The following GALNT18 variants were observed in gnomAD, a reference collection of about 807,000 sequenced individuals.
GALNT18 encodes polypeptide N-acetylgalactosaminyltransferase 18.
In GALNT18, 44 loss-of-function variants were observed where a neutral mutation model predicts 69.5. The observed-to-expected ratio is 0.63, with a 90% CI of 0.50 to 0.81. The LOEUF is 0.81. Ranked by LOEUF, GALNT18 falls within the 40% of genes least tolerant of loss-of-function variation. GALNT18 has a pLI of 0.00. For synonymous variants in GALNT18, 364 were observed against 318.2 expected, an observed-to-expected ratio of 1.14 and a Z score of -1.53; for missense variants, 715 against 810.0, an observed-to-expected ratio of 0.88 and a Z score of 1.42.
intron 9 of GALNT18, among the ~76,000 whole-genome samples, chr11:11,299,514 A>T (rs552031280): frequency 3.1e-4 from 47 of 152,150 alleles, no homozygotes; most frequent in African/African-American, 1.1e-3. Flanking sequence ...CCATTATATA[A>T]TTTTTACACC....
chr11:11,325,832 C>T (rs898012879), intron 9 of GALNT18, among the ~76,000 whole-genome samples: 4 of 152,080 alleles, frequency 2.6e-5, no homozygotes, highest in Admixed American at 1.3e-4. Flanking sequence ...TGCAATTAAC[C>T]AGCCAGTAAT....
At chr11:11,462,116 C>T (rs1001265632) in intron 1 of GALNT18, among the ~76,000 whole-genome samples, 6 of 152,112 alleles carry the variant, frequency 3.9e-5, no homozygotes, top group Non-Finnish European at 7.4e-5. Context: ...ATTCAGCAGT[C>T]TGAGGGGAGG....
rs143675704 is a variant in GALNT18, at chr11:11,326,733, C to A, written c.1512+353G>T. 3.6e-3 allele frequency among the ~76,000 whole-genome samples: 546 copies of A among 152,312 alleles called. 3 individuals carry two copies. Among genetic ancestry groups the A allele is most frequent in the Admixed American group, 0.012 (185 of 15,298 alleles). Reference sequence around the variant, plus strand: ...TCAGGGAGCTTGGGAGAACCTCCCACTCTTGCTAGGGAGCAGCTTGGTTGT... The same window carrying A: ...TCAGGGAGCTTGGGAGAACCTCCCAATCTTGCTAGGGAGCAGCTTGGTTGT... On this transcript the variant is annotated intron_variant, in intron 9 of 10. Coordinates refer to ENST00000227756, the MANE Select transcript of GALNT18 (RefSeq NM_198516.3).
intron 1 of GALNT18, among the ~76,000 whole-genome samples, chr11:11,575,615 C>G (rs1045246983): frequency 4.6e-5 from 7 of 152,244 alleles, no homozygotes; most frequent in African/African-American, 1.7e-4. Flanking sequence ...TGCCTTGGAA[C>G]TCCTGCTCTC....
At chr11:11,375,522 C>T (rs897286390) in intron 5 of GALNT18, among the ~76,000 whole-genome samples, 2 of 152,212 alleles carry the variant, frequency 1.3e-5, no homozygotes, top group African/African-American at 4.8e-5. Context: ...GAGCAGAAAA[C>T]AGCTACACCA....
chr11:11,384,011 G>A (rs1002823562), intron 3 of GALNT18, among the ~76,000 whole-genome samples: 5 of 152,018 alleles, frequency 3.3e-5, no homozygotes, highest in Non-Finnish European at 5.9e-5. Flanking sequence ...CTTTATAGCA[G>A]TGCGAGAATA....
In GALNT18 at chr11:11,339,661, C is replaced by T. The variant is rs370525911; in HGVS notation, c.1278+1158G>A. Among the ~76,000 whole-genome samples, 14 of 152,304 alleles carry T rather than the reference C, an allele frequency of 9.2e-5. 1 individual carries two copies. In the South Asian group the frequency reaches 2.3e-3, roughly 25 times the overall value. On this transcript the variant is annotated intron_variant, in intron 7 of 10. Transcript: ENST00000227756. This position sits in a 1 kb window ranked among gnomAD's most constrained non-coding sequence, Gnocchi z 5.2. Reference sequence around the variant, plus strand: ...TCAGGAATGCAATCCCGGGCTGGTACATTAGAGTTGGCTGCACTCTGGCTG... The same window carrying T: ...TCAGGAATGCAATCCCGGGCTGGTATATTAGAGTTGGCTGCACTCTGGCTG...
intron 3 of GALNT18, among the ~76,000 whole-genome samples, chr11:11,426,571 G>A (rs1390933364): frequency 3.3e-5 from 5 of 152,206 alleles, no homozygotes; most frequent in Non-Finnish European, 5.9e-5. Flanking sequence ...GATGCTTCAC[G>A]TGGCAAAATA....
chr11:11,618,548 A>T lies in GALNT18; in HGVS notation c.235+2811T>A, dbSNP rs1860114788. On this transcript the variant is annotated intron_variant, in intron 1 of 10. Transcript: ENST00000227756. The surrounding 1 kb of genome is among the most constrained non-coding windows in gnomAD (Gnocchi z 6.1). The stretch of plus-strand genomic sequence containing the variant: ...GACACCCACTTCCACCACTGTCAAC[A>T]GACTCCAAGGGACCCTGGGGCCCTC... Among the ~76,000 whole-genome samples the T allele has an allele frequency of 6.6e-6, 1 of 152,194 alleles. No homozygotes were observed.
At chr11:11,273,107 C>A (rs909251022) in intron 10 of GALNT18, among the ~76,000 whole-genome samples, 1 of 152,062 alleles carries the variant, frequency 6.6e-6, no homozygotes, top group South Asian at 2.1e-4. Context: ...AGAAACACTC[C>A]AGAATGTGGG....
At chr11:11,506,834 G>C (rs368882931) in intron 1 of GALNT18, among the ~76,000 whole-genome samples, 70 of 152,296 alleles carry the variant, frequency 4.6e-4, no homozygotes, top group African/African-American at 1.6e-3. Flanking sequence ...CTGCTGAGGA[G>C]GGTAGAGAGT....
At chr11:11,468,351 T>C (rs992903880) in intron 1 of GALNT18, among the ~76,000 whole-genome samples, 3 of 152,168 alleles carry the variant, frequency 2.0e-5, no homozygotes, top group African/African-American at 7.2e-5. Flanking sequence ...GAAAGAGAAG[T>C]CTGTCAAGGA....
At chr11:11,448,988 G>A (rs1432376293) in intron 1 of GALNT18, 52 bp from the exon 2 acceptor site, 1 of 1,375,028 alleles carries the variant, frequency 7.3e-7, no homozygotes. Flanking sequence ...CCCTGCATGT[G>A]CCATGACAAT....
At chr11:11,441,028 C>T (rs1003770619) in intron 2 of GALNT18, among the ~76,000 whole-genome samples, 2 of 152,298 alleles carry the variant, frequency 1.3e-5, no homozygotes, top group East Asian at 1.9e-4. Context: ...GTCATACTAC[C>T]GAATTTCTCT....
chr11:11,504,967 G>A (rs1382195773), intron 1 of GALNT18, among the ~76,000 whole-genome samples: 1 of 152,110 alleles, frequency 6.6e-6, no homozygotes, highest in African/African-American at 2.4e-5. Context: ...CTCACAAGTA[G>A]CTTCCCAGCT....
At position 11,332,810 on chromosome 11, in the gene GALNT18, C is replaced by T. The variant is rs201182870; in HGVS notation, c.1300G>A (p.Asp434Asn). Residue 434 changes from aspartate to asparagine, a missense_variant, in exon 8 of 11, where the codon GAC (aspartate) becomes AAC (asparagine). Transcript: ENST00000227756. The surrounding 1 kb of genome is among the most constrained non-coding windows in gnomAD (Gnocchi z 4.3). ...PQEDSGIDIG[D>N]ITARKALRKQ... ...CTGAGAGCCTTCCTTGCAGTGATGT[C>T]CCCAATGTCAATTCCTGAGTCCTGC... 7 of 1,613,620 alleles carry T rather than the reference C, an allele frequency of 4.3e-6. No individual in the cohort carries two copies. The highest frequency in any genetic ancestry group is 4.0e-5 in the African/African-American group (3 of 75,018).
intron 7 of GALNT18, among the ~76,000 whole-genome samples, chr11:11,335,962 C>A (rs1180891964): frequency 6.6e-6 from 1 of 152,134 alleles, no homozygotes; most frequent in Non-Finnish European, 1.5e-5. Flanking sequence ...TTTGAAGCCA[C>A]CAAATTCATG....
chr11:11,565,330 G>A (rs1371629049), intron 1 of GALNT18, among the ~76,000 whole-genome samples: 3 of 152,212 alleles, frequency 2.0e-5, no homozygotes, highest in Non-Finnish European at 4.4e-5. Flanking sequence ...CCACAGTCTG[G>A]AAAAGAGTGG....
At chr11:11,289,819 C>T (rs917336565) in intron 10 of GALNT18, among the ~76,000 whole-genome samples, 2 of 152,180 alleles carry the variant, frequency 1.3e-5, no homozygotes, top group Non-Finnish European at 1.5e-5. Context: ...CTACCACTCT[C>T]AGGCCATGTG....
Sources: gnomAD v4.1 joint callset for allele counts (sites outside exome capture counted in the v4.1 genomes callset) on GRCh38, gnomAD v4.1.1 for gene constraint, Gnocchi (gnomAD v3.1) non-coding constraint, MANE v1.5 for transcripts, NCBI Gene and HGNC (gene_info 2026-07-23, HGNC 2026-07-21) for gene names.